Variants in CPQ observed in about 807,000 individuals in gnomAD.
The protein encoded by CPQ is carboxypeptidase Q, also known as Ser-Met dipeptidase.
Under a neutral mutation model 45.7 loss-of-function variants are expected in CPQ, and 37 were observed. That is an observed-to-expected ratio of 0.81 (90% CI 0.62 to 1.07). The LOEUF is 1.07. CPQ is among the 50% of genes least tolerant of loss of function. The pLI, the probability that CPQ is intolerant of heterozygous loss-of-function variation, is 0.00. For synonymous variants in CPQ, 186 were observed against 205.8 expected (o/e 0.90, Z 0.82); for missense variants, 537 against 572.9 (o/e 0.94, Z 0.64).
At chr8:96,869,869 G>T (rs1335370394) in intron 3 of CPQ, among the ~76,000 whole-genome samples, 7 of 151,980 alleles carry the variant, frequency 4.6e-5, no homozygotes, top group African/African-American at 1.7e-4. Flanking sequence ...TCAAAGAGGT[G>T]ATTCTATAAT....
intron 4 of CPQ, among the ~76,000 whole-genome samples, chr8:96,938,513 C>T (rs1029696146): frequency 5.9e-5 from 9 of 152,030 alleles, no homozygotes; most frequent in Admixed American, 4.6e-4. Context: ...TGATTATCAA[C>T]CCTAAATCTG....
chr8:97,017,084 A>G (rs1809593300), intron 5 of CPQ, among the ~76,000 whole-genome samples: 2 of 152,200 alleles, frequency 1.3e-5, no homozygotes, highest in Non-Finnish European at 2.9e-5. Flanking sequence ...AGACACCCCA[A>G]AAAACTGTAG....
rs1266002665 is a variant in CPQ at position 96,883,737 on chromosome 8, T to C, written c.849+3732T>C. ...CCTTATCCCCAATAAATGTCGCTTC[T>C]TCCATGAAGACTGCTTTGATAACAT... On this transcript the variant is annotated intron_variant, in intron 4 of 7. Coordinates refer to ENST00000220763, the MANE Select transcript of CPQ (RefSeq NM_016134.4). 3.9e-5 allele frequency among the ~76,000 whole-genome samples: 6 copies of C among 152,186 alleles called. No homozygotes were observed. In the East Asian group the frequency reaches 7.7e-4, roughly 20 times the overall value.
chr8:96,966,948 C>T (rs984913432), intron 5 of CPQ, among the ~76,000 whole-genome samples: 3 of 152,176 alleles, frequency 2.0e-5, no homozygotes, highest in African/African-American at 7.2e-5. Context: ...CATACATACA[C>T]ACATAGTTAT....
chr8:96,649,142 A>G (rs1815550535), intron 1 of CPQ, among the ~76,000 whole-genome samples: 1 of 152,056 alleles, frequency 6.6e-6, no homozygotes, highest in African/African-American at 2.4e-5. Context: ...CAGCCTGGCT[A>G]ATTTTTTTAT....
At chr8:96,883,181 T>C (rs1812252288) in intron 4 of CPQ, among the ~76,000 whole-genome samples, 1 of 152,222 alleles carries the variant, frequency 6.6e-6, no homozygotes. Context: ...CAGCAATTGA[T>C]GGATATGTGG....
intron 1 of CPQ, among the ~76,000 whole-genome samples, chr8:96,670,373 G>A (rs1051651321): frequency 2.8e-5 from 4 of 145,440 alleles, no homozygotes; most frequent in Non-Finnish European, 3.0e-5. Flanking sequence ...GACTGCAAAA[G>A]CAATGCAAGT....
intron 2 of CPQ, among the ~76,000 whole-genome samples, chr8:96,816,417 T>C (rs951540871): frequency 6.6e-6 from 1 of 152,178 alleles, no homozygotes; most frequent in Non-Finnish European, 1.5e-5. Flanking sequence ...CATCTGCAGG[T>C]ACTTCCTCCT....
chr8:96,723,098 C>G lies in CPQ; in HGVS notation c.-34-61766C>G, dbSNP rs116153880. On this transcript the variant is annotated intron_variant, in intron 1 of 7. Transcript: ENST00000220763. The stretch of plus-strand genomic sequence containing the variant: ...TTCAGCTTCAGTTATCTTGAACATG[C>G]AATCCTTCCAAGTAACACATTATAA... 5.6e-3 allele frequency among the ~76,000 whole-genome samples: 847 copies of G among 152,266 alleles called. 4 individuals are homozygous for G. The highest frequency in any genetic ancestry group is 0.017 in the Middle Eastern group (5 of 294).
At chr8:97,040,616 G>C (rs1208938094) in intron 6 of CPQ, among the ~76,000 whole-genome samples, 1 of 152,222 alleles carries the variant, frequency 6.6e-6, no homozygotes, top group Admixed American at 6.6e-5. Flanking sequence ...TATGGTTTTA[G>C]TTCTAACGTT....
chr8:96,805,417 C>T (rs185094170), intron 2 of CPQ, among the ~76,000 whole-genome samples: 14 of 152,194 alleles, frequency 9.2e-5, no homozygotes, highest in Admixed American at 7.9e-4. Context: ...TGACCTTTAT[C>T]AACTTATTTC....
chr8:96,789,264 T>C (rs1810816478), intron 2 of CPQ, among the ~76,000 whole-genome samples: 1 of 152,082 alleles, frequency 6.6e-6, no homozygotes, highest in African/African-American at 2.4e-5. Flanking sequence ...TAATTTAAAA[T>C]AATATTTTAT....
intron 7 of CPQ, among the ~76,000 whole-genome samples, chr8:97,122,972 AAAATAAAATT>A (rs1811749908): frequency 3.3e-5 from 2 of 60,286 alleles, no homozygotes; most frequent in Admixed American, 2.7e-4. Context: ...AAAATAAAAT[AAAATAAAATT>A]AAAATAAAAT....
intron 7 of CPQ, among the ~76,000 whole-genome samples, chr8:97,123,240 TAAAATAAAATA>T (rs1461304382): frequency 1.8e-5 from 2 of 108,152 alleles, no homozygotes; most frequent in Non-Finnish European, 4.4e-5. Flanking sequence ...ATAAAATAAA[TAAAATAAAATA>T]AAAATAAAAT....
chr8:97,116,977 G>A (rs1014844872), intron 7 of CPQ, among the ~76,000 whole-genome samples: 1 of 152,200 alleles, frequency 6.6e-6, no homozygotes, highest in Non-Finnish European at 1.5e-5. Flanking sequence ...TCCATGTTGA[G>A]CACTGCCTTC....
In CPQ at chr8:96,835,010, T is replaced by A. The variant is rs757321033; in HGVS notation, c.471T>A (p.Asp157Glu). Residue 157 changes from aspartate (D) to glutamate (E), a missense_variant, in exon 3 of 8, where the codon GAT (aspartate) becomes GAA (glutamate). Physicochemically the swap from Asp to Glu is conservative, Grantham distance 45. Coordinates refer to ENST00000220763, the MANE Select transcript of CPQ (RefSeq NM_016134.4). ...TAEVLVVTSF[D>E]ELQRRASEAR... ...AAGTTCTGGTGGTGACCTCTTTCGA[T>A]GAACTGCAGAGAAGGGCCTCAGAAG... 10 of 1,613,428 alleles carry A rather than the reference T, an allele frequency of 6.2e-6. No homozygotes were observed. The South Asian group carries it at 9.9e-5, about 16-fold the overall frequency.
chr8:96,714,420 T>C (rs1262507349), intron 1 of CPQ, among the ~76,000 whole-genome samples: 1 of 152,174 alleles, frequency 6.6e-6, no homozygotes, highest in Admixed American at 6.5e-5. Context: ...ACTTGGTCTA[T>C]TCTACTTTTT....
At chr8:97,041,169 G>T (rs1259834513) in intron 6 of CPQ, among the ~76,000 whole-genome samples, 1 of 152,146 alleles carries the variant, frequency 6.6e-6, no homozygotes, top group Non-Finnish European at 1.5e-5. Context: ...TTGAGCAGGG[G>T]TTTGTAGTTC....
chr8:96,760,347 T>C (rs1438032165), intron 1 of CPQ, among the ~76,000 whole-genome samples: 1 of 152,180 alleles, frequency 6.6e-6, no homozygotes, highest in Non-Finnish European at 1.5e-5. Flanking sequence ...TCATTTCCAC[T>C]TTATGGAGGA....
Sources: gnomAD v4.1 joint callset for allele counts (sites outside exome capture counted in the v4.1 genomes callset) on GRCh38, gnomAD v4.1.1 for gene constraint, MANE v1.5 for transcripts, NCBI Gene and HGNC (gene_info 2026-07-23, HGNC 2026-07-21) for gene names.